The following AGAP1 variants were observed in gnomAD, a reference collection of about 807,000 sequenced individuals.
AGAP1 encodes ArfGAP with GTPase domain, ankyrin repeat and PH domain 1.
In AGAP1, 29 loss-of-function variants were observed where a neutral mutation model predicts 105.3. That is an observed-to-expected ratio of 0.28 (90% CI 0.21 to 0.38). The LOEUF (loss-of-function observed/expected upper bound fraction) is 0.38. Ranked by LOEUF, AGAP1 falls within the 10% of genes least tolerant of loss-of-function variation. AGAP1 has a pLI of 1.00. For synonymous variants in AGAP1, 509 were observed against 485.9 expected (o/e 1.05, Z -0.63); for missense variants, 998 against 1,165.1 (o/e 0.86, Z 2.09).
intron 1 of AGAP1, among the ~76,000 whole-genome samples, chr2:235,602,234 C>T (rs532586515): frequency 3.9e-5 from 6 of 152,268 alleles, no homozygotes; most frequent in Non-Finnish European, 7.4e-5. Flanking sequence ...CAAATAAAGC[C>T]GTGTTGGGTC....
At chr2:235,539,000 G>A (rs868128337) in intron 1 of AGAP1, among the ~76,000 whole-genome samples, 5 of 152,280 alleles carry the variant, frequency 3.3e-5, no homozygotes, top group African/African-American at 9.6e-5. Context: ...TAAAGGGAGA[G>A]TTTTATATTG....
intron 1 of AGAP1, among the ~76,000 whole-genome samples, chr2:235,572,005 T>C (rs7588646): frequency 0.012 from 892 of 75,082 alleles, 3 homozygotes; most frequent in Middle Eastern, 0.034. Flanking sequence ...CACACACACT[T>C]TTTTTTTTTT....
chr2:235,728,239 C>T lies in AGAP1; in HGVS notation c.310+10595C>T, dbSNP rs1208702451. 6.6e-6 allele frequency among the ~76,000 whole-genome samples: 1 copy of T among 152,032 alleles called. No homozygotes were observed. The highest frequency in any genetic ancestry group is 1.5e-5 in the Non-Finnish European group (1 of 68,026). On this transcript the variant is annotated intron_variant, in intron 3 of 17. Transcript: ENST00000304032. This position sits in a 1 kb window ranked among gnomAD's most constrained non-coding sequence, Gnocchi z 4.3. ...GATGTAGTGAAAGTGCCCCCAAGCTCCCCGCTCCATTTCATGTGCTACTGG... is the reference window on the plus strand; with the variant it reads ...GATGTAGTGAAAGTGCCCCCAAGCTTCCCGCTCCATTTCATGTGCTACTGG...
rs934827161 is a variant in AGAP1 at position 235,662,243 on chromosome 2, A to G, written c.164-46936A>G. Among the ~76,000 whole-genome samples the G allele has an allele frequency of 6.6e-6, 1 of 152,194 alleles. No individual in the cohort carries two copies. The highest frequency in any genetic ancestry group is 2.4e-5 in the African/African-American group (1 of 41,438). The stretch of plus-strand genomic sequence containing the variant: ...CAGCTTTGTGTATCCACTCAGTTGC[A>G]TGCCAGGTAGTCACATCTTAACTTG... On this transcript the variant is annotated intron_variant, in intron 1 of 17. Coordinates refer to ENST00000304032, the MANE Select transcript of AGAP1 (RefSeq NM_001037131.3). This position sits in a 1 kb window ranked among gnomAD's most constrained non-coding sequence, Gnocchi z 4.2.
At chr2:235,634,658 C>T (rs1045723947) in intron 1 of AGAP1, among the ~76,000 whole-genome samples, 1 of 152,194 alleles carries the variant, frequency 6.6e-6, no homozygotes, top group Non-Finnish European at 1.5e-5. Flanking sequence ...TCTTCCTCCA[C>T]ATTCCATTTT....
At chr2:236,115,189 A>G (rs1216208800) in intron 16 of AGAP1, among the ~76,000 whole-genome samples, 2 of 152,220 alleles carry the variant, frequency 1.3e-5, no homozygotes, top group South Asian at 2.1e-4. Context: ...GTGTGCTCAC[A>G]TAACATTGAA....
intron 8 of AGAP1, among the ~76,000 whole-genome samples, chr2:235,804,069 G>A (rs937612600): frequency 9.9e-5 from 15 of 152,146 alleles, no homozygotes; most frequent in African/African-American, 3.4e-4. Flanking sequence ...TTTCTGCTAC[G>A]CTGCTACTGC....
chr2:235,594,584 G>C (rs1945456868), intron 1 of AGAP1, among the ~76,000 whole-genome samples: 1 of 152,080 alleles, frequency 6.6e-6, no homozygotes, highest in African/African-American at 2.4e-5. Flanking sequence ...CCAGATTGCT[G>C]TTTGTTTTGA....
At position 235,599,856 on chromosome 2, in the gene AGAP1, G is replaced by A. The variant is rs1431814114; in HGVS notation, c.163+105007G>A. On this transcript the variant is annotated intron_variant, in intron 1 of 17. Coordinates refer to ENST00000304032, the MANE Select transcript of AGAP1 (RefSeq NM_001037131.3). This position sits in a 1 kb window ranked among gnomAD's most constrained non-coding sequence, Gnocchi z 5.3. ...GGCACGGTCAGTCGCCCCTGGTGGA[G>A]GCAATGCTGGTACCCACGACGTGGA... Among the ~76,000 whole-genome samples, 1 of 152,198 alleles carries A rather than the reference G, an allele frequency of 6.6e-6. No individual in the cohort carries two copies. Among genetic ancestry groups the A allele is most frequent in the African/African-American group, 2.4e-5 (1 of 41,452 alleles).
chr2:235,729,343 T>A lies in AGAP1; in HGVS notation c.311-11620T>A, dbSNP rs1951818892. 1.3e-5 allele frequency among the ~76,000 whole-genome samples: 2 copies of A among 151,920 alleles called. No individual in the cohort carries two copies. Among genetic ancestry groups the A allele is most frequent in the African/African-American group, 4.8e-5 (2 of 41,326 alleles). ...ACTTCAACTTGGGCAGCATCTCGGC[T>A]GGGAGCCCCAGGGAGCCTGGCAGTA... is the stretch of plus-strand genomic sequence containing the variant. On this transcript the variant is annotated intron_variant, in intron 3 of 17. Transcript: ENST00000304032. The surrounding 1 kb of genome is among the most constrained non-coding windows in gnomAD (Gnocchi z 5.0).
chr2:235,853,240 G>A, intron 9 of AGAP1: 1 of 1,007,138 alleles, frequency 9.9e-7, no homozygotes, highest in Non-Finnish European at 1.2e-6. Flanking sequence ...GACTGGATGA[G>A]AGAAAAACGG....
At chr2:235,868,445 G>A (rs1323335350) in intron 9 of AGAP1, among the ~76,000 whole-genome samples, 1 of 152,136 alleles carries the variant, frequency 6.6e-6, no homozygotes, top group African/African-American at 2.4e-5. Context: ...AGTGGTTGTG[G>A]ACGTGCCTGT....
At chr2:235,903,233 A>G (rs757287620) in intron 10 of AGAP1, among the ~76,000 whole-genome samples, 10 of 152,198 alleles carry the variant, frequency 6.6e-5, no homozygotes, top group Non-Finnish European at 1.5e-4. Flanking sequence ...ACTATTTTCC[A>G]TTATTTTTTT....
chr2:236,004,848 T>C (rs1294030037), intron 13 of AGAP1, among the ~76,000 whole-genome samples: 4 of 152,190 alleles, frequency 2.6e-5, no homozygotes, highest in African/African-American at 9.7e-5. Context: ...AGAAATGATA[T>C]ATTGTGACGA....
At position 236,119,274 on chromosome 2, in the gene AGAP1, G is replaced by A. The variant is rs1039436182; in HGVS notation, c.2115-918G>A. ...CTCTGGGCTCAGCTCTGGCTTCTGG[G>A]AGCTACCTGCCTGTTTCCCAGGCCC... On this transcript the variant is annotated intron_variant, in intron 16 of 17. Coordinates refer to ENST00000304032, the MANE Select transcript of AGAP1 (RefSeq NM_001037131.3). The surrounding 1 kb of genome is among the most constrained non-coding windows in gnomAD (Gnocchi z 6.6). Among the ~76,000 whole-genome samples, 3 of 152,128 alleles carry A rather than the reference G, an allele frequency of 2.0e-5. No individual in the cohort carries two copies. Among genetic ancestry groups the A allele is most frequent in the Non-Finnish European group, 1.5e-5 (1 of 68,028 alleles).
At chr2:235,706,475 G>T (rs181938697) in intron 1 of AGAP1, among the ~76,000 whole-genome samples, 3 of 151,884 alleles carry the variant, frequency 2.0e-5, no homozygotes, top group Admixed American at 6.6e-5. Flanking sequence ...TGATCCGCCC[G>T]CCTCGGCCTC....
At chr2:235,850,163 G>C (rs1042228880) in intron 9 of AGAP1, among the ~76,000 whole-genome samples, 1 of 152,160 alleles carries the variant, frequency 6.6e-6, no homozygotes, top group Admixed American at 6.5e-5. Context: ...GTTAGTAACC[G>C]GACGACGTTA....
rs201019044 is a variant in AGAP1, at chr2:235,674,693, C to CTTTTTTTT, written c.164-34476_164-34469dup. ...CAGTCAATTACTGTAGGGTGATAGA[C>CTTTTTTTT]TTTTTTTTTTTTTTTTTGATGGAGT... is the stretch of plus-strand genomic sequence containing the variant. On this transcript the variant is annotated intron_variant, in intron 1 of 17. Coordinates refer to ENST00000304032, the MANE Select transcript of AGAP1 (RefSeq NM_001037131.3). Among the ~76,000 whole-genome samples, 320 of 136,248 alleles carry CTTTTTTTT rather than the reference C, an allele frequency of 2.3e-3. 3 individuals carry two copies. Among genetic ancestry groups the CTTTTTTTT allele is most frequent in the African/African-American group, 8.3e-3 (301 of 36,278 alleles). The allele number at this position is 136,248 out of a possible 152,430, so 89.4% of individuals were successfully genotyped here.
intron 16 of AGAP1, among the ~76,000 whole-genome samples, chr2:236,099,483 T>C (rs2059291653): frequency 6.6e-6 from 1 of 151,778 alleles, no homozygotes. Context: ...AATATGGTGC[T>C]TGGTTCTTAA....
Sources: gnomAD v4.1 joint callset for allele counts (sites outside exome capture counted in the v4.1 genomes callset) on GRCh38, gnomAD v4.1.1 for gene constraint, Gnocchi (gnomAD v3.1) non-coding constraint, MANE v1.5 for transcripts, NCBI Gene and HGNC (gene_info 2026-07-23, HGNC 2026-07-21) for gene names.